FGF14: variants seen among roughly 807,000 people sequenced by gnomAD.
The protein encoded by FGF14 is fibroblast growth factor homologous factor 4.
In FGF14, 5 loss-of-function variants were observed where a neutral mutation model predicts 25.5. The ratio of observed to expected loss-of-function variants is 0.20; its 90% CI spans 0.10 to 0.41. FGF14 has a LOEUF of 0.41. FGF14 is among the 10% of genes least tolerant of loss of function. The probability of loss-of-function intolerance (pLI) is 1.00; values close to 1 mark genes in which losing one functional copy is unlikely to be tolerated. For synonymous variants in FGF14, 138 were observed against 118.3 expected (o/e 1.17, Z -1.08); for missense variants, 222 against 320.1 (o/e 0.69, Z 2.34).
chr13:101,826,075 T>G (rs1177417054), intron 3 of FGF14, among the ~76,000 whole-genome samples: 1 of 152,150 alleles, frequency 6.6e-6, no homozygotes, highest in Non-Finnish European at 1.5e-5. Context: ...TGTGTAACTT[T>G]TATCTATCAT....
In FGF14 at chr13:102,236,496, T is replaced by G. The variant is rs536535230; in HGVS notation, c.208+164975A>C. On this transcript the variant is annotated intron_variant, in intron 1 of 4. Transcript: ENST00000376131. ...ACGCAAACAGGAAGCCTGAACCTAT[T>G]TGAAGAGCAAACGACTGGTGGCACA... Among the ~76,000 whole-genome samples, 4 of 152,242 alleles carry G rather than the reference T, an allele frequency of 2.6e-5. No individual in the cohort carries two copies. The East Asian group carries it at 7.8e-4, about 30-fold the overall frequency.
chr13:102,217,320 A>G (rs568503721), intron 1 of FGF14, among the ~76,000 whole-genome samples: 2 of 152,224 alleles, frequency 1.3e-5, no homozygotes, highest in Admixed American at 1.3e-4. Context: ...CTACATGCAC[A>G]CACAGTTTTA....
chr13:102,184,539 T>C (rs1033480177), intron 1 of FGF14, among the ~76,000 whole-genome samples: 1 of 152,098 alleles, frequency 6.6e-6, no homozygotes, highest in Non-Finnish European at 1.5e-5. Flanking sequence ...TGAATGATAG[T>C]GGAGAGTTAA....
intron 1 of FGF14, among the ~76,000 whole-genome samples, chr13:102,110,015 C>T (rs1257933394): frequency 2.0e-5 from 3 of 152,070 alleles, no homozygotes; most frequent in African/African-American, 4.8e-5. Flanking sequence ...AAAGATAAAT[C>T]GATTCAATGG....
At chr13:102,344,363 A>G (rs1360974) in intron 1 of FGF14, among the ~76,000 whole-genome samples, 116,828 of 152,236 alleles carry the variant, frequency 0.77, 45,806 homozygotes, top group African/African-American at 0.93. Flanking sequence ...TATTGAGATT[A>G]TAATACGTGT....
rs1277786125 is a variant in FGF14 at position 101,714,714 on chromosome 13, A to T, written c.*8117T>A. ...GCATTTGGGAAAAAGCCCTCACAAA[A>T]GCCTCACATTATTCCTAGGCATAGA... On this transcript the variant is annotated 3_prime_UTR_variant, in exon 5 of 5. Transcript: ENST00000376143. 5 of 603,544 alleles carry T rather than the reference A, an allele frequency of 8.3e-6. No homozygotes were observed. The highest frequency in any genetic ancestry group is 3.0e-6 in the Non-Finnish European group (1 of 336,512). 37.4% of individuals were successfully genotyped at this position (603,544 alleles called of 1,614,324 possible).
chr13:102,400,096 A>T lies in FGF14; in HGVS notation c.208+1375T>A, dbSNP rs1230308899. Among the ~76,000 whole-genome samples the T allele has an allele frequency of 7.0e-6, 1 of 142,162 alleles. No individual in the cohort carries two copies. Among genetic ancestry groups the T allele is most frequent in the Non-Finnish European group, 1.5e-5 (1 of 65,270 alleles). 93.3% of individuals were successfully genotyped at this position (142,162 alleles called of 152,430 possible). On this transcript the variant is annotated intron_variant, in intron 1 of 4. Transcript: ENST00000376131. This position sits in a 1 kb window ranked among gnomAD's most constrained non-coding sequence, Gnocchi z 4.3. ...CTCCTCTGCCTCGCGCTGCACCCGCAGGCGGCAGACCCCTCGGAGCGCGCC... is the reference window on the plus strand; with the variant it reads ...CTCCTCTGCCTCGCGCTGCACCCGCTGGCGGCAGACCCCTCGGAGCGCGCC...
chr13:101,718,678 T>TATC lies in FGF14; in HGVS notation c.*4150_*4152dup, dbSNP rs2034812750. ...GTTGTCTTTCTGGGCTCCTTGAGTT[T>TATC]ATCTGGATTCCAACAGCACTTGGAA... On this transcript the variant is annotated 3_prime_UTR_variant, in exon 5 of 5. Coordinates refer to ENST00000376143, the MANE Select transcript of FGF14 (RefSeq NM_004115.4). The TATC allele has an allele frequency of 6.6e-6, 1 of 151,982 alleles. No individual in the cohort carries two copies. Among genetic ancestry groups the TATC allele is most frequent in the Non-Finnish European group, 1.5e-5 (1 of 67,982 alleles). The allele number at this position is 151,982 out of a possible 1,614,324, so 9.4% of individuals were successfully genotyped here. A position where few individuals can be genotyped will look rare whatever the true frequency, so the allele number is the denominator to read the frequency against.
At chr13:101,735,981 G>A (rs962022074) in intron 3 of FGF14, among the ~76,000 whole-genome samples, 1 of 152,200 alleles carries the variant, frequency 6.6e-6, no homozygotes. Flanking sequence ...TGGATTATCT[G>A]AGTAAATAAT....
intron 1 of FGF14, among the ~76,000 whole-genome samples, chr13:101,992,357 A>G (rs1056416661): frequency 1.3e-5 from 2 of 152,152 alleles, no homozygotes; most frequent in African/African-American, 4.8e-5. Flanking sequence ...CCTCATATTA[A>G]AGGGCCATTG....
chr13:101,714,920 G>T lies in FGF14; in HGVS notation c.*7911C>A. The stretch of plus-strand genomic sequence containing the variant: ...GAAATATTCTTTTAAACAGAATCTG[G>T]GTACCACTAGTTGATGTGTTGGTTG... On this transcript the variant is annotated 3_prime_UTR_variant, in exon 5 of 5. Transcript: ENST00000376143. The T allele has an allele frequency of 4.8e-6, 1 of 209,024 alleles. No individual in the cohort carries two copies. The highest frequency in any genetic ancestry group is 1.3e-4 in the East Asian group (1 of 7,904). 12.9% of individuals were successfully genotyped at this position (209,024 alleles called of 1,614,324 possible).
In FGF14 at chr13:102,350,622, A is replaced by G. The variant is rs558190901; in HGVS notation, c.208+50849T>C. On this transcript the variant is annotated intron_variant, in intron 1 of 4. Coordinates refer to the FGF14 transcript ENST00000376131. The stretch of plus-strand genomic sequence containing the variant: ...ATAAAAGTCCTCTTTGTACTTGGCA[A>G]AAGTCAAGCTGCCTGCCATAGCCTT... Among the ~76,000 whole-genome samples, 10 of 152,304 alleles carry G rather than the reference A, an allele frequency of 6.6e-5. No individual in the cohort carries two copies. The East Asian group carries it at 1.5e-3, about 24-fold the overall frequency.
At chr13:102,040,939 A>C (rs868307537) in intron 1 of FGF14, among the ~76,000 whole-genome samples, 1 of 152,084 alleles carries the variant, frequency 6.6e-6, no homozygotes, top group Non-Finnish European at 1.5e-5. Flanking sequence ...GTAGTAAAAA[A>C]TCGCTTACCT....
intron 3 of FGF14, among the ~76,000 whole-genome samples, chr13:101,826,914 A>G (rs1012263061): frequency 9.2e-5 from 14 of 151,942 alleles, no homozygotes; most frequent in African/African-American, 3.4e-4. Context: ...GAAATAACCA[A>G]TTGCCTCGGT....
rs75241001 is a variant in FGF14, at chr13:101,883,757, C to T, written c.194-8461G>A. ...TTTTGAGCTAGGTAGCATTATTATC[C>T]TCACTTTAAAGATAAGAAAATGAGG... On this transcript the variant is annotated intron_variant, in intron 1 of 4. Coordinates refer to ENST00000376143, the MANE Select transcript of FGF14 (RefSeq NM_004115.4). Among the ~76,000 whole-genome samples the T allele has an allele frequency of 7.8e-3, 1,179 of 152,020 alleles. 14 individuals carry two copies. The highest frequency in any genetic ancestry group is 0.027 in the African/African-American group (1,138 of 41,476).
At chr13:101,961,207 A>C (rs2493597) in intron 1 of FGF14, among the ~76,000 whole-genome samples, 7,023 of 152,096 alleles carry the variant, frequency 0.046, 546 homozygotes, top group African/African-American at 0.16. Context: ...CCCATGTGTC[A>C]ATTTTTTGCT....
At chr13:101,884,126 T>C in intron 1 of FGF14, among the ~76,000 whole-genome samples, 1 of 145,928 alleles carries the variant, frequency 6.9e-6, no homozygotes, top group Non-Finnish European at 1.5e-5. Flanking sequence ...ATATGATGTG[T>C]GCAAGAGCAA....
At chr13:102,301,722 C>A (rs2055064137) in intron 1 of FGF14, among the ~76,000 whole-genome samples, 1 of 152,052 alleles carries the variant, frequency 6.6e-6, no homozygotes, top group Non-Finnish European at 1.5e-5. Context: ...TTTCTTCAAT[C>A]TATGACGACT....
chr13:102,326,584 G>A (rs1371790456), intron 1 of FGF14, among the ~76,000 whole-genome samples: 2 of 147,426 alleles, frequency 1.4e-5, no homozygotes, highest in African/African-American at 5.0e-5. Flanking sequence ...GAAGAAACAT[G>A]CACACAAGAA....
Sources: gnomAD v4.1 joint callset for allele counts (sites outside exome capture counted in the v4.1 genomes callset) on GRCh38, gnomAD v4.1.1 for gene constraint, Gnocchi (gnomAD v3.1) non-coding constraint, MANE v1.5 for transcripts, NCBI Gene and HGNC (gene_info 2026-07-23, HGNC 2026-07-21) for gene names.